Variants in CDH13 observed in about 807,000 individuals in gnomAD.
CDH13 encodes the protein cadherin-13.
In CDH13, 24 loss-of-function variants were observed where a neutral mutation model predicts 63.8. That is an observed-to-expected ratio of 0.38 (90% CI 0.27 to 0.53). The LOEUF (loss-of-function observed/expected upper bound fraction) is 0.53, where lower values mean the gene tolerates loss of function less well. CDH13 is among the 20% of genes least tolerant of loss of function. CDH13 has a pLI of 0.85. For missense variants in CDH13, 1,049 were observed against 903.1 expected, an observed-to-expected ratio of 1.16 and a Z score of -2.07; for synonymous variants, 503 against 355.3, an observed-to-expected ratio of 1.42 and a Z score of -4.67.
intron 1 of CDH13, among the ~76,000 whole-genome samples, chr16:82,774,001 T>G (rs899128111): frequency 6.6e-6 from 1 of 152,108 alleles, no homozygotes; most frequent in Admixed American, 6.5e-5. Flanking sequence ...GCCAGGCTGG[T>G]CTCAATCTCC....
At chr16:82,951,743 A>G (rs560356132) in intron 2 of CDH13, among the ~76,000 whole-genome samples, 2 of 152,190 alleles carry the variant, frequency 1.3e-5, no homozygotes, top group South Asian at 2.1e-4. Context: ...TCTGATGTCC[A>G]TAACTGTCTC....
intron 7 of CDH13, among the ~76,000 whole-genome samples, chr16:83,568,266 T>C (rs1242378490): frequency 1.3e-5 from 2 of 152,146 alleles, no homozygotes; most frequent in African/African-American, 4.8e-5. Flanking sequence ...AGCCACGAGT[T>C]TGGCCTTTAA....
chr16:83,556,507 A>G (rs1023299780), intron 7 of CDH13, among the ~76,000 whole-genome samples: 1 of 152,190 alleles, frequency 6.6e-6, no homozygotes, highest in African/African-American at 2.4e-5. Context: ...TGTTGTTCCC[A>G]GTTCAAAGAT....
At chr16:83,390,192 C>A (rs766685702) in intron 6 of CDH13, among the ~76,000 whole-genome samples, 1 of 152,178 alleles carries the variant, frequency 6.6e-6, no homozygotes, top group Non-Finnish European at 1.5e-5. Flanking sequence ...CACTCAATTT[C>A]ATCGAAGCCC....
At chr16:82,817,850 C>G (rs745896784) in intron 1 of CDH13, among the ~76,000 whole-genome samples, 6 of 152,134 alleles carry the variant, frequency 3.9e-5, no homozygotes, top group African/African-American at 1.4e-4. Flanking sequence ...TAAAAGCATG[C>G]ACGCATGCAT....
chr16:82,855,411 C>T (rs184345287), intron 1 of CDH13, among the ~76,000 whole-genome samples: 10 of 152,290 alleles, frequency 6.6e-5, no homozygotes, highest in Admixed American at 1.3e-4. Context: ...TATCCAGTTT[C>T]CTGGTCTGGG....
chr16:83,368,045 A>G (rs904135714), intron 6 of CDH13, among the ~76,000 whole-genome samples: 1 of 152,208 alleles, frequency 6.6e-6, no homozygotes, highest in African/African-American at 2.4e-5. Context: ...TGTAAATTGA[A>G]TTATTTTCTT....
Position 83,364,377 on chromosome 16 carries a change from G to A in CDH13, c.781+19371G>A, listed in dbSNP as rs116459935. On this transcript the variant is annotated intron_variant, in intron 6 of 13. Transcript: ENST00000567109. ...TGTACTGTGCAAGATACAGAGCCATGATTTTCATACATATCACCTCATTTC... is the reference window on the plus strand; with the variant it reads ...TGTACTGTGCAAGATACAGAGCCATAATTTTCATACATATCACCTCATTTC... 6.0e-3 allele frequency among the ~76,000 whole-genome samples: 908 copies of A among 152,304 alleles called. 8 individuals are homozygous for A. Among genetic ancestry groups the A allele is most frequent in the African/African-American group, 0.021 (865 of 41,556 alleles).
chr16:83,233,490 T>C (rs990095299), intron 5 of CDH13, among the ~76,000 whole-genome samples: 6 of 152,236 alleles, frequency 3.9e-5, no homozygotes, highest in African/African-American at 1.4e-4. Flanking sequence ...TACAGTTGTT[T>C]AGGTCAGAAG....
intron 7 of CDH13, among the ~76,000 whole-genome samples, chr16:83,516,195 G>A (rs551496377): frequency 2.0e-5 from 3 of 152,292 alleles, no homozygotes; most frequent in South Asian, 2.1e-4. Context: ...TCCTGTAAGC[G>A]TTTTACACTC....
intron 4 of CDH13, among the ~76,000 whole-genome samples, chr16:83,204,862 G>T (rs1467889206): frequency 1.3e-5 from 2 of 152,234 alleles, no homozygotes; most frequent in Admixed American, 6.5e-5. Context: ...TGGTCACCAT[G>T]AGGAAGGAAA....
At chr16:82,767,102 T>A (rs2035085404) in intron 1 of CDH13, among the ~76,000 whole-genome samples, 2 of 152,366 alleles carry the variant, frequency 1.3e-5, no homozygotes, top group East Asian at 3.9e-4. Flanking sequence ...TACTTCAGCA[T>A]GCATATTTTT....
At chr16:83,599,993 C>T (rs1000913047) in intron 7 of CDH13, among the ~76,000 whole-genome samples, 4 of 152,132 alleles carry the variant, frequency 2.6e-5, no homozygotes, top group African/African-American at 7.2e-5. Flanking sequence ...CAGTCCAGCT[C>T]GTCAGTGATG....
chr16:83,238,240 T>C (rs1904280340), intron 5 of CDH13, among the ~76,000 whole-genome samples: 1 of 149,644 alleles, frequency 6.7e-6, no homozygotes, highest in Admixed American at 6.7e-5. Context: ...AAAAGAGAGA[T>C]TTAGTGGACT....
At chr16:83,241,204 T>C (rs1230020748) in intron 5 of CDH13, among the ~76,000 whole-genome samples, 2 of 152,228 alleles carry the variant, frequency 1.3e-5, no homozygotes, top group African/African-American at 2.4e-5. Context: ...TGTGTGGATA[T>C]ACCACATTTT....
At chr16:83,336,598 C>A (rs573279986) in intron 5 of CDH13, among the ~76,000 whole-genome samples, 1 of 152,156 alleles carries the variant, frequency 6.6e-6, no homozygotes, top group Admixed American at 6.5e-5. Flanking sequence ...TCTGAAAATC[C>A]TGTGCACACA....
At chr16:82,770,865 G>A (rs990423840) in intron 1 of CDH13, among the ~76,000 whole-genome samples, 4 of 152,018 alleles carry the variant, frequency 2.6e-5, no homozygotes, top group South Asian at 2.1e-4. Context: ...ACACTGCCAT[G>A]CCCGGCTAAT....
At chr16:83,647,851 C>G (rs183677023) in intron 8 of CDH13, among the ~76,000 whole-genome samples, 136 of 152,196 alleles carry the variant, frequency 8.9e-4, no homozygotes, top group African/African-American at 3.1e-3. Flanking sequence ...TACCTGGGTC[C>G]AGAAAGTTGA....
chr16:83,188,055 G>A (rs916023596), intron 4 of CDH13, among the ~76,000 whole-genome samples: 3 of 152,206 alleles, frequency 2.0e-5, no homozygotes, highest in Non-Finnish European at 4.4e-5. Flanking sequence ...GCAAGGGAAT[G>A]TTAGATAGGA....
Sources: gnomAD v4.1 joint callset for allele counts (sites outside exome capture counted in the v4.1 genomes callset) on GRCh38, gnomAD v4.1.1 for gene constraint, MANE v1.5 for transcripts, NCBI Gene and HGNC (gene_info 2026-07-23, HGNC 2026-07-21) for gene names.